Variants in SYNDIG1 observed in about 807,000 individuals in gnomAD.
SYNDIG1 encodes the protein synapse differentiation-inducing gene protein 1.
Under a neutral mutation model 19.4 loss-of-function variants are expected in SYNDIG1, and 9 were observed. That is an observed-to-expected ratio of 0.46 (90% confidence interval 0.28 to 0.81). The LOEUF (loss-of-function observed/expected upper bound fraction) is 0.81. SYNDIG1 is among the 30% of genes least tolerant of loss of function. The pLI, the probability that SYNDIG1 is intolerant of heterozygous loss-of-function variation, is 0.12. For missense variants in SYNDIG1, 311 were observed against 343.3 expected (o/e 0.91, Z 0.74); for synonymous variants, 141 against 145.9 (o/e 0.97, Z 0.24).
intron 3 of SYNDIG1, among the ~76,000 whole-genome samples, chr20:24,633,164 G>A (rs2059270197): frequency 6.6e-6 from 1 of 152,176 alleles, no homozygotes; most frequent in Non-Finnish European, 1.5e-5. Flanking sequence ...TAGTGAGGAA[G>A]CATGCCTGGA....
chr20:24,545,556 G>T (rs945457351), intron 2 of SYNDIG1, among the ~76,000 whole-genome samples: 1 of 152,152 alleles, frequency 6.6e-6, no homozygotes, highest in Non-Finnish European at 1.5e-5. Context: ...TGAGCTCAAT[G>T]CGGGGTTCAG....
chr20:24,574,138 C>T (rs2058189388), intron 2 of SYNDIG1, among the ~76,000 whole-genome samples: 1 of 152,090 alleles, frequency 6.6e-6, no homozygotes, highest in Non-Finnish European at 1.5e-5. Flanking sequence ...GCAATTGCAC[C>T]TGAATCCTTT....
chr20:24,486,334 C>T (rs562580748), intron 1 of SYNDIG1, among the ~76,000 whole-genome samples: 11 of 152,210 alleles, frequency 7.2e-5, no homozygotes, highest in Non-Finnish European at 1.3e-4. Context: ...GCCATTGCTG[C>T]TTATCCATAG....
chr20:24,494,663 G>T (rs1047010861), intron 1 of SYNDIG1, among the ~76,000 whole-genome samples: 2 of 152,200 alleles, frequency 1.3e-5, no homozygotes, highest in African/African-American at 4.8e-5. Flanking sequence ...ACTGGAGGCA[G>T]CAGGGACCGG....
chr20:24,614,632 AAGGGG>A (rs1231099535), intron 3 of SYNDIG1, among the ~76,000 whole-genome samples: 2 of 144,386 alleles, frequency 1.4e-5, no homozygotes, highest in Non-Finnish European at 3.0e-5. Context: ...GGAGGGAGGG[AAGGGG>A]AGGGGAGGGG....
chr20:24,491,753 A>T (rs1357849365), intron 1 of SYNDIG1: 2 of 152,224 alleles, frequency 1.3e-5, no homozygotes, highest in African/African-American at 4.8e-5. Flanking sequence ...AGGAAATTAA[A>T]AGTATGGTTA....
chr20:24,572,121 C>T (rs551974280), intron 2 of SYNDIG1, among the ~76,000 whole-genome samples: 1 of 152,306 alleles, frequency 6.6e-6, no homozygotes, highest in South Asian at 2.1e-4. Context: ...ACTGAGCTCC[C>T]ATCTCCTCAG....
chr20:24,624,179 C>T (rs1252214554), intron 3 of SYNDIG1, among the ~76,000 whole-genome samples: 1 of 150,682 alleles, frequency 6.6e-6, no homozygotes, highest in Non-Finnish European at 1.5e-5. Flanking sequence ...TGGCATGAAC[C>T]CGGGAGGTGG....
At chr20:24,541,156 A>C (rs1158422978) in intron 1 of SYNDIG1, among the ~76,000 whole-genome samples, 2 of 152,210 alleles carry the variant, frequency 1.3e-5, no homozygotes, top group South Asian at 4.1e-4. Flanking sequence ...ACTTGCCAAC[A>C]GTCAGATATT....
chr20:24,665,288 C>T (rs2059637312), intron 3 of SYNDIG1, 58 bp from the exon 4 acceptor site: 13 of 1,552,828 alleles, frequency 8.4e-6, no homozygotes, highest in Non-Finnish European at 1.1e-5. Flanking sequence ...GAGCCCTCCA[C>T]TCACTGCTTG....
chr20:24,603,588 C>T (rs1356286666), intron 3 of SYNDIG1, among the ~76,000 whole-genome samples: 6 of 152,170 alleles, frequency 3.9e-5, no homozygotes, highest in African/African-American at 7.2e-5. Flanking sequence ...CATGGACACA[C>T]GCCTGGGATG....
chr20:24,639,239 C>T (rs148464283), intron 3 of SYNDIG1, among the ~76,000 whole-genome samples: 41 of 152,228 alleles, frequency 2.7e-4, no homozygotes, highest in Middle Eastern at 3.4e-3. Context: ...TGTCAGATGG[C>T]GAACAAGGAA....
intron 1 of SYNDIG1, among the ~76,000 whole-genome samples, chr20:24,475,539 C>T (rs75020101): frequency 0.011 from 1,642 of 152,244 alleles, 37 homozygotes; most frequent in African/African-American, 0.036. Context: ...AGGTAGTGTG[C>T]GTGGTTTCTG....
At position 24,665,391 on chromosome 20, in the gene SYNDIG1, A is replaced by G. The variant is rs746027673; in HGVS notation, c.664A>G (p.Ser222Gly). 22 of 1,610,878 alleles carry G rather than the reference A, an allele frequency of 1.4e-5. No individual in the cohort carries two copies. The Admixed American group carries it at 3.7e-4, about 27-fold the overall frequency. Residue 222 changes from serine to glycine, a missense_variant, in exon 4 of 4, where the codon AGC becomes GGC. Transcript: ENST00000376862. ...AKGDLHQAST[S>G]SRRALFLAVL... ...GGGGGACTTGCACCAGGCCAGCACC[A>G]GCTCCCGGCGGGCCCTATTCCTGGC...
At chr20:24,626,199 G>A (rs1195579964) in intron 3 of SYNDIG1, among the ~76,000 whole-genome samples, 32 of 107,896 alleles carry the variant, frequency 3.0e-4, no homozygotes, top group Admixed American at 8.9e-4. Flanking sequence ...CGGACGGGGC[G>A]GCTGGCCTGG....
chr20:24,644,078 C>A (rs1379458122), intron 3 of SYNDIG1, among the ~76,000 whole-genome samples: 2 of 152,240 alleles, frequency 1.3e-5, no homozygotes, highest in African/African-American at 4.8e-5. Context: ...AACACCCACA[C>A]TTTATTCCCA....
intron 2 of SYNDIG1, among the ~76,000 whole-genome samples, chr20:24,544,194 G>C (rs1292867892): frequency 6.6e-6 from 1 of 152,226 alleles, no homozygotes; most frequent in African/African-American, 2.4e-5. Context: ...ACTGCACGTT[G>C]GATATAGTGT....
intron 1 of SYNDIG1, among the ~76,000 whole-genome samples, chr20:24,524,724 A>G (rs2057084647): frequency 6.6e-6 from 1 of 151,768 alleles, no homozygotes; most frequent in Non-Finnish European, 1.5e-5. Flanking sequence ...TTGCTCTTTC[A>G]CTAACATTTT....
intron 3 of SYNDIG1, among the ~76,000 whole-genome samples, chr20:24,597,939 T>C (rs2058621776): frequency 6.6e-6 from 1 of 152,210 alleles, no homozygotes; most frequent in Non-Finnish European, 1.5e-5. Flanking sequence ...TTCTGGTCCA[T>C]ACCACCTCAC....
Sources: gnomAD v4.1 joint callset for allele counts (sites outside exome capture counted in the v4.1 genomes callset) on GRCh38, gnomAD v4.1.1 for gene constraint, MANE v1.5 for transcripts, NCBI Gene and HGNC (gene_info 2026-07-23, HGNC 2026-07-21) for gene names.